The following HYCC2 variants were observed in gnomAD, a reference collection of about 807,000 sequenced individuals.
HYCC2 encodes the protein hyccin 2.
At chr2:201,052,952 C>T in the HYCC2 span, among the ~76,000 whole-genome samples, 10 of 152,242 alleles carry the variant, frequency 6.6e-5, no homozygotes, top group South Asian at 2.1e-4. Flanking sequence ...AAAAGAAGCA[C>T]CAGAAAGATT....
chr2:201,043,216 G>C, the HYCC2 span, among the ~76,000 whole-genome samples: 1 of 152,088 alleles, frequency 6.6e-6, no homozygotes, highest in African/African-American at 2.4e-5. Context: ...TTGTTAAACA[G>C]ATGCTTGAAG....
At chr2:201,024,220 G>A in the HYCC2 span, among the ~76,000 whole-genome samples, 3 of 152,090 alleles carry the variant, frequency 2.0e-5, no homozygotes, top group African/African-American at 7.2e-5. Flanking sequence ...GCTGGGCGTG[G>A]TGGCTCACAC....
the HYCC2 span, chr2:200,979,928 A>G: frequency 6.6e-6 from 1 of 152,654 alleles, no homozygotes; most frequent in African/African-American, 2.4e-5. Flanking sequence ...TTCAACATCT[A>G]GCTTACTGGC....
At chr2:201,071,172 T>A in the HYCC2 span, among the ~76,000 whole-genome samples, 1 of 152,214 alleles carries the variant, frequency 6.6e-6, no homozygotes, top group African/African-American at 2.4e-5. Context: ...AATATTTTTC[T>A]TCTCCGCTCC....
the HYCC2 span, among the ~76,000 whole-genome samples, chr2:201,071,009 T>C: frequency 1.3e-5 from 2 of 152,244 alleles, no homozygotes; most frequent in East Asian, 3.9e-4. Context: ...CCAATGTAAA[T>C]GGCACTCAAG....
At chr2:201,055,909 C>T in the HYCC2 span, among the ~76,000 whole-genome samples, 1 of 152,076 alleles carries the variant, frequency 6.6e-6, no homozygotes, top group African/African-American at 2.4e-5. Context: ...ATAAAAATAG[C>T]TGGGCACGGT....
chr2:201,019,307 C>T, the HYCC2 span, among the ~76,000 whole-genome samples: 9 of 152,146 alleles, frequency 5.9e-5, no homozygotes, highest in East Asian at 1.7e-3. Flanking sequence ...GCAACAGGTA[C>T]ACTGGCATGT....
chr2:200,979,116 G>A, the HYCC2 span: 1 of 151,124 alleles, frequency 6.6e-6, no homozygotes, highest in South Asian at 2.1e-4. Context: ...ACCTGAAACT[G>A]CCTGTTTTAG....
the HYCC2 span, chr2:201,016,946 C>CT: frequency 6.4e-7 from 1 of 1,573,790 alleles, no homozygotes; most frequent in African/African-American, 1.4e-5. Context: ...TTCAGAGGAC[C>CT]TTAAAAAATA....
the HYCC2 span, among the ~76,000 whole-genome samples, chr2:201,014,815 T>C: frequency 6.6e-6 from 1 of 152,178 alleles, no homozygotes; most frequent in Admixed American, 6.6e-5. Flanking sequence ...TTATAATGTA[T>C]ACTAAATACA....
chr2:201,018,865 G>A, the HYCC2 span, among the ~76,000 whole-genome samples: 1 of 152,150 alleles, frequency 6.6e-6, no homozygotes, highest in East Asian at 1.9e-4. Context: ...TTACATTGAA[G>A]TCTAGACCAG....
At chr2:201,058,254 C>A in the HYCC2 span, among the ~76,000 whole-genome samples, 201 of 152,228 alleles carry the variant, frequency 1.3e-3, 2 homozygotes, top group African/African-American at 4.6e-3. Context: ...GTCCACAGAC[C>A]CCCAGGGATC....
the HYCC2 span, among the ~76,000 whole-genome samples, chr2:200,993,231 T>C: frequency 6.6e-6 from 1 of 152,212 alleles, no homozygotes; most frequent in Non-Finnish European, 1.5e-5. Flanking sequence ...CTCATTCTAG[T>C]GGACTGCCCA....
chr2:200,984,966 A>C, the HYCC2 span, among the ~76,000 whole-genome samples: 1 of 152,166 alleles, frequency 6.6e-6, no homozygotes, highest in African/African-American at 2.4e-5. Flanking sequence ...TTTAAAAATT[A>C]ACTGGGCATG....
chr2:200,978,570 G>C, the HYCC2 span: 1 of 144,406 alleles, frequency 6.9e-6, no homozygotes, highest in South Asian at 2.2e-4. Context: ...CCACCTCCCA[G>C]GTTCAAGAGA....
At chr2:200,980,233 C>A in the HYCC2 span, 1 of 152,530 alleles carries the variant, frequency 6.6e-6, no homozygotes, top group East Asian at 1.9e-4. Flanking sequence ...AAGGGTTTCT[C>A]TTATAGTCTG....
chr2:201,037,194 G>A, the HYCC2 span, among the ~76,000 whole-genome samples: 364 of 152,322 alleles, frequency 2.4e-3, 1 homozygote, highest in African/African-American at 8.1e-3. Flanking sequence ...CAAGACATGT[G>A]AAGGACTTCT....
At chr2:201,005,885 T>C in the HYCC2 span, among the ~76,000 whole-genome samples, 1 of 152,174 alleles carries the variant, frequency 6.6e-6, no homozygotes, top group African/African-American at 2.4e-5. Flanking sequence ...AAGGCTGGAG[T>C]GCAATGGCAC....
At chr2:201,070,519 G>A in the HYCC2 span, among the ~76,000 whole-genome samples, 1 of 152,108 alleles carries the variant, frequency 6.6e-6, no homozygotes, top group Non-Finnish European at 1.5e-5. Context: ...GGGCGTGGTG[G>A]CGCATGCCTG....
Sources: allele counts gnomAD v4.1 joint callset (sites outside exome capture counted in the v4.1 genomes callset), GRCh38; gene constraint gnomAD v4.1.1; transcripts MANE v1.5; gene names NCBI Gene and HGNC (gene_info 2026-07-23, HGNC 2026-07-21).